Variants in ELAVL2 observed in about 807,000 individuals in gnomAD.
ELAVL2 encodes ELAV like RNA binding protein 2.
ELAVL2 carries 4 observed loss-of-function variants against 34.6 expected under a neutral mutation model. That is an observed-to-expected ratio of 0.12 (90% confidence interval 0.06 to 0.26). ELAVL2 has a LOEUF of 0.26. ELAVL2 is among the 10% of genes least tolerant of loss of function. ELAVL2 has a pLI of 1.00. For synonymous variants in ELAVL2, 193 were observed against 154.8 expected (o/e 1.25, Z -1.83); for missense variants, 432 against 442.8 (o/e 0.98, Z 0.22).
At chr9:23,779,209 G>A (rs2058695462) in intron 1 of ELAVL2, 3 of 985,284 alleles carry the variant, frequency 3.0e-6, no homozygotes, top group African/African-American at 3.5e-5. Context: ...AGTGGGGAAG[G>A]AACTGAAGGG....
intron 2 of ELAVL2, among the ~76,000 whole-genome samples, chr9:23,741,302 G>A (rs1587971547): frequency 6.6e-6 from 1 of 152,262 alleles, no homozygotes; most frequent in Non-Finnish European, 1.5e-5. Context: ...CTGGAAGCAA[G>A]ACTGGCCCAT....
intron 5 of ELAVL2, among the ~76,000 whole-genome samples, chr9:23,696,637 T>C (rs894676815): frequency 1.6e-5 from 2 of 123,948 alleles, no homozygotes; most frequent in South Asian, 4.8e-4. Context: ...GTCCGGCTAA[T>C]TTTTTTTGTA....
chr9:23,801,054 A>C (rs896387547), intron 1 of ELAVL2, among the ~76,000 whole-genome samples: 6 of 152,174 alleles, frequency 3.9e-5, no homozygotes, highest in Non-Finnish European at 8.8e-5. Context: ...ACTGTACAGC[A>C]ACTGTCCTTC....
intron 1 of ELAVL2, among the ~76,000 whole-genome samples, chr9:23,777,188 C>CAA (rs918316064): frequency 1.1e-3 from 160 of 152,346 alleles, no homozygotes; most frequent in African/African-American, 3.8e-3. Context: ...GTTAGGACTG[C>CAA]AATCTCTTTC....
chr9:23,743,929 T>C (rs1394188548), intron 2 of ELAVL2, among the ~76,000 whole-genome samples: 3 of 152,228 alleles, frequency 2.0e-5, no homozygotes, highest in African/African-American at 4.8e-5. Flanking sequence ...GACCATCTGA[T>C]GTGGGAAGTA....
intron 1 of ELAVL2, among the ~76,000 whole-genome samples, chr9:23,785,973 G>C (rs2059627078): frequency 6.6e-6 from 1 of 152,152 alleles, no homozygotes; most frequent in Non-Finnish European, 1.5e-5. Flanking sequence ...ACCTGGCATA[G>C]TGATCTACTG....
chr9:23,765,056 C>G lies in ELAVL2; in HGVS notation c.-15-2807G>C, dbSNP rs773684115. On this transcript the variant is annotated intron_variant, in intron 1 of 6. Transcript: ENST00000397312. ...CACGAACCACTTCTAAGCAGAGAAG[C>G]CACATCACACAGTCTGACTGCCATG... is the stretch of plus-strand genomic sequence containing the variant. 5 of 1,609,272 alleles carry G rather than the reference C, an allele frequency of 3.1e-6. No homozygotes were observed. The East Asian group carries it at 8.9e-5, about 29-fold the overall frequency.
At chr9:23,744,573 C>T (rs938379437) in intron 2 of ELAVL2, among the ~76,000 whole-genome samples, 1 of 151,990 alleles carries the variant, frequency 6.6e-6, no homozygotes, top group Non-Finnish European at 1.5e-5. Flanking sequence ...AGTGCTTATT[C>T]TAGTTATCCT....
chr9:23,820,003 A>G (rs34770282), intron 1 of ELAVL2, among the ~76,000 whole-genome samples: 10,491 of 152,226 alleles, frequency 0.069, 517 homozygotes, highest in Non-Finnish European at 0.1. Flanking sequence ...GGGTCCACTC[A>G]GCAATACAGT....
intron 2 of ELAVL2, among the ~76,000 whole-genome samples, chr9:23,752,877 A>G (rs1024314066): frequency 1.3e-4 from 20 of 152,284 alleles, no homozygotes; most frequent in African/African-American, 4.3e-4. Context: ...TCGATTACAT[A>G]AAGATGATAT....
At chr9:23,806,690 A>T (rs747586530) in intron 1 of ELAVL2, among the ~76,000 whole-genome samples, 1 of 152,176 alleles carries the variant, frequency 6.6e-6, no homozygotes, top group Admixed American at 6.5e-5. Context: ...AGAATCACTG[A>T]CATCAAAGAG....
intron 3 of ELAVL2, among the ~76,000 whole-genome samples, chr9:23,724,159 C>T (rs554975320): frequency 6.6e-6 from 1 of 152,294 alleles, no homozygotes; most frequent in African/African-American, 2.4e-5. Flanking sequence ...AATGATCCAT[C>T]AATTCCAATA....
chr9:23,731,249 C>G (rs950607672), intron 2 of ELAVL2, 124 bp from the exon 3 acceptor site: 6 of 683,868 alleles, frequency 8.8e-6, no homozygotes, highest in Non-Finnish European at 1.4e-5. Flanking sequence ...AAAAAGAACT[C>G]TCTATTAATT....
rs562568986 is a variant in ELAVL2 at position 23,816,793 on chromosome 9, G to A, written c.-16+9013C>T. On this transcript the variant is annotated intron_variant, in intron 1 of 6. Coordinates refer to ENST00000397312, the MANE Select transcript of ELAVL2 (RefSeq NM_004432.5). ...GAGTGAAAAATGGATACTCTGTGTT[G>A]CCAGATGATTTTGCCCAACTATAAC... 5.0e-4 allele frequency among the ~76,000 whole-genome samples: 76 copies of A among 152,286 alleles called. No homozygotes were observed. The South Asian group carries it at 0.011, about 22-fold the overall frequency.
At chr9:23,710,979 A>T (rs1007659341) in intron 3 of ELAVL2, among the ~76,000 whole-genome samples, 51 of 152,146 alleles carry the variant, frequency 3.4e-4, no homozygotes, top group African/African-American at 1.2e-3. Context: ...GTGTACTTTG[A>T]TCTGCTTCTA....
chr9:23,812,909 G>A (rs1027007459), intron 1 of ELAVL2, among the ~76,000 whole-genome samples: 1 of 152,096 alleles, frequency 6.6e-6, no homozygotes, highest in Non-Finnish European at 1.5e-5. Context: ...TGCCAGGAGA[G>A]CAGGGTTTTA....
At chr9:23,763,096 G>A (rs1045986927) in intron 1 of ELAVL2, among the ~76,000 whole-genome samples, 6 of 152,056 alleles carry the variant, frequency 3.9e-5, no homozygotes, top group African/African-American at 1.4e-4. Flanking sequence ...TCCAGTCAAT[G>A]AAAACAACAA....
chr9:23,747,715 C>G (rs2050851980), intron 2 of ELAVL2, among the ~76,000 whole-genome samples: 1 of 152,134 alleles, frequency 6.6e-6, no homozygotes, highest in Non-Finnish European at 1.5e-5. Context: ...GAAGTATTCA[C>G]CTTTTTCATT....
intron 3 of ELAVL2, among the ~76,000 whole-genome samples, chr9:23,707,954 C>T (rs1053513441): frequency 6.6e-6 from 1 of 152,050 alleles, no homozygotes; most frequent in Non-Finnish European, 1.5e-5. Context: ...GGTGGTGTGT[C>T]TTAAAAGTCA....
Sources: gnomAD v4.1 joint callset for allele counts (sites outside exome capture counted in the v4.1 genomes callset) on GRCh38, gnomAD v4.1.1 for gene constraint, MANE v1.5 for transcripts, NCBI Gene and HGNC (gene_info 2026-07-23, HGNC 2026-07-21) for gene names.